HNRNPUL1: variants seen among roughly 807,000 people sequenced by gnomAD.
HNRNPUL1 encodes the protein heterogeneous nuclear ribonucleoprotein U-like protein 1.
HNRNPUL1 carries 14 observed loss-of-function variants against 108.5 expected under a neutral mutation model. The ratio of observed to expected loss-of-function variants is 0.13; its 90% CI spans 0.09 to 0.20. The LOEUF (loss-of-function observed/expected upper bound fraction) is 0.20. Ranked by LOEUF, HNRNPUL1 falls within the 10% of genes least tolerant of loss-of-function variation. The probability of loss-of-function intolerance (pLI) is 1.00; values close to 1 mark genes in which losing one functional copy is unlikely to be tolerated. For synonymous variants in HNRNPUL1, 422 were observed against 445.2 expected, an observed-to-expected ratio of 0.95 and a Z score of 0.66; for missense variants, 804 against 1,168.3, an observed-to-expected ratio of 0.69 and a Z score of 4.55.
chr19:41,302,599 G>A, intron 11 of HNRNPUL1, 66 bp from the exon 12 acceptor site: 1 of 1,591,844 alleles, frequency 6.3e-7, no homozygotes, highest in South Asian at 1.1e-5. Context: ...TGGGTGGAGG[G>A]GACCAGACTT....
chr19:41,298,922 A>T (rs2037040407), intron 10 of HNRNPUL1: 1 of 146,726 alleles, frequency 6.8e-6, no homozygotes, highest in Non-Finnish European at 1.5e-5. Flanking sequence ...AGGATCACTT[A>T]GGGGCAAAAA....
At chr19:41,299,439 G>A (rs982909622) in intron 10 of HNRNPUL1, among the ~76,000 whole-genome samples, 3 of 152,302 alleles carry the variant, frequency 2.0e-5, no homozygotes, top group Middle Eastern at 3.4e-3. Context: ...CTTAGAAGAC[G>A]ATCTCTTGAA....
At position 41,290,961 on chromosome 19, in the gene HNRNPUL1, G is replaced by A. The variant is rs1454506245; in HGVS notation, c.1000-1284G>A. On this transcript the variant is annotated intron_variant, in intron 7 of 14. Transcript: ENST00000392006. ...CCCAGCTAATTGAGGCAGGAGAATC[G>A]CTTGAACCCAGGAGGCGGAGGTTGT... Among the ~76,000 whole-genome samples, 4 of 152,270 alleles carry A rather than the reference G, an allele frequency of 2.6e-5. No individual in the cohort carries two copies. In the East Asian group the frequency reaches 5.8e-4, roughly 22 times the overall value.
At chr19:41,268,953 G>A (rs1252906128) in intron 2 of HNRNPUL1, among the ~76,000 whole-genome samples, 2 of 152,098 alleles carry the variant, frequency 1.3e-5, no homozygotes, top group African/African-American at 4.8e-5. Context: ...GAATGGGGGA[G>A]CCAGAAAGAG....
intron 4 of HNRNPUL1, among the ~76,000 whole-genome samples, 189 bp from the exon 5 acceptor site, chr19:41,275,970 G>T (rs1283669723): frequency 1.3e-5 from 2 of 152,118 alleles, no homozygotes; most frequent in Non-Finnish European, 2.9e-5. Context: ...AGGTGTGGTG[G>T]TGCATGCCTG....
chr19:41,281,057 AG>A, intron 6 of HNRNPUL1, 105 bp from the exon 7 acceptor site: 1 of 729,820 alleles, frequency 1.4e-6, no homozygotes, highest in African/African-American at 1.8e-5. Flanking sequence ...TAATAAAACT[AG>A]TAAAGAAAAT....
intron 5 of HNRNPUL1, 158 bp downstream of exon 5, chr19:41,276,456 A>G (rs1334128481): frequency 3.0e-6 from 2 of 677,564 alleles, no homozygotes; most frequent in Admixed American, 3.5e-5. Flanking sequence ...AGACAACTAC[A>G]TCATTGCTAA....
chr19:41,274,155 A>G (rs983773417), intron 4 of HNRNPUL1, 100 bp downstream of exon 4: 35 of 957,256 alleles, frequency 3.7e-5, no homozygotes, highest in Admixed American at 8.8e-5. Context: ...CCGTCCAAAG[A>G]CATTGTTAGT....
At chr19:41,284,122 TGG>T (rs2036068155) in intron 7 of HNRNPUL1, among the ~76,000 whole-genome samples, 1 of 152,196 alleles carries the variant, frequency 6.6e-6, no homozygotes. Context: ...AGTAGCACCA[TGG>T]GATCCATACG....
intron 7 of HNRNPUL1, among the ~76,000 whole-genome samples, chr19:41,287,038 C>T (rs1001563331): frequency 3.3e-5 from 5 of 150,712 alleles, no homozygotes; most frequent in Admixed American, 6.6e-5. Flanking sequence ...CTTTTTGAGA[C>T]GGAGTCTTGT....
intron 6 of HNRNPUL1, 67 bp from the exon 7 acceptor site, chr19:41,281,095 TG>T: frequency 1.1e-6 from 1 of 919,494 alleles, no homozygotes; most frequent in South Asian, 1.4e-5. Flanking sequence ...AATAAAAGTA[TG>T]TGGCAGCCAT....
intron 5 of HNRNPUL1, 187 bp downstream of exon 5, chr19:41,276,485 A>G: frequency 1.8e-6 from 1 of 570,412 alleles, no homozygotes; most frequent in Non-Finnish European, 2.9e-6. Flanking sequence ...TCAGAAAAGC[A>G]GGCCAACCAT....
In HNRNPUL1 at chr19:41,301,586, C is replaced by T; in HGVS notation, c.1569C>T (p.Gly523=). 6.2e-7 allele frequency: 1 copy of T among 1,614,160 alleles called. No individual in the cohort carries two copies. Residue 523 remains glycine (G), a synonymous_variant, in exon 11 of 15, where the codon GGC becomes GGT. Transcript: ENST00000392006. ...AQRRKMRPFE[G]FQRKAIVICP... is the part of the protein sequence containing the mutation. ...GACGAAAAATGAGACCATTTGAAGG[C>T]TTCCAGCGCAAAGCTATTGTAATTT... is the stretch of plus-strand genomic sequence containing the variant.
At chr19:41,271,971 C>A in intron 2 of HNRNPUL1, 111 bp from the exon 3 acceptor site, 1 of 1,240,484 alleles carries the variant, frequency 8.1e-7, no homozygotes, top group Non-Finnish European at 1.1e-6. Flanking sequence ...CCCAGCCCTT[C>A]ATCACTGTAG....
At chr19:41,272,646 C>A (rs1165054915) in intron 3 of HNRNPUL1, among the ~76,000 whole-genome samples, 2 of 152,280 alleles carry the variant, frequency 1.3e-5, no homozygotes, top group African/African-American at 4.8e-5. Context: ...CACGAAGTGC[C>A]CACTCTTGGG....
intron 2 of HNRNPUL1, among the ~76,000 whole-genome samples, chr19:41,268,963 G>A (rs1264208757): frequency 6.6e-6 from 1 of 152,114 alleles, no homozygotes; most frequent in Non-Finnish European, 1.5e-5. Context: ...GCCAGAAAGA[G>A]CCTTCTAAGT....
At chr19:41,301,831 T>C in intron 11 of HNRNPUL1, 127 bp downstream of exon 11, 1 of 869,770 alleles carries the variant, frequency 1.1e-6, no homozygotes, top group East Asian at 2.8e-5. Flanking sequence ...TCTTTGCTTC[T>C]GCTTTGTCCC....
intron 5 of HNRNPUL1, 50 bp from the exon 6 acceptor site, chr19:41,279,027 C>A: frequency 7.6e-7 from 1 of 1,309,130 alleles, no homozygotes; most frequent in South Asian, 1.2e-5. Context: ...GGCTCATAAC[C>A]TACGGCCTCC....
chr19:41,278,901 G>A (rs2035738181), intron 5 of HNRNPUL1, among the ~76,000 whole-genome samples, 176 bp from the exon 6 acceptor site: 1 of 152,054 alleles, frequency 6.6e-6, no homozygotes, highest in Non-Finnish European at 1.5e-5. Context: ...TGATCCCTTT[G>A]GAGGCCCTGG....
Sources: gnomAD v4.1 joint callset for allele counts (sites outside exome capture counted in the v4.1 genomes callset) on GRCh38, gnomAD v4.1.1 for gene constraint, MANE v1.5 for transcripts, NCBI Gene and HGNC (gene_info 2026-07-23, HGNC 2026-07-21) for gene names.